The following PRKAR1B variants were observed in gnomAD, a reference collection of about 807,000 sequenced individuals.
The protein encoded by PRKAR1B is cAMP-dependent protein kinase type I-beta regulatory subunit.
In PRKAR1B, 22 loss-of-function variants were observed where a neutral mutation model predicts 46.5. The ratio of observed to expected loss-of-function variants is 0.47; its 90% CI spans 0.34 to 0.68. PRKAR1B has a LOEUF of 0.68. Ranked by LOEUF, PRKAR1B falls within the 30% of genes least tolerant of loss-of-function variation. The pLI is 0.01. For synonymous variants in PRKAR1B, 259 were observed against 217.7 expected, an observed-to-expected ratio of 1.19 and a Z score of -1.67; for missense variants, 445 against 535.6, an observed-to-expected ratio of 0.83 and a Z score of 1.67.
At chr7:653,290 A>G (rs1302408677) in intron 4 of PRKAR1B, among the ~76,000 whole-genome samples, 1 of 152,156 alleles carries the variant, frequency 6.6e-6, no homozygotes, top group African/African-American at 2.4e-5. Flanking sequence ...CAGGAATTCA[A>G]CGAGGCCTTC....
intron 4 of PRKAR1B, among the ~76,000 whole-genome samples, chr7:651,497 T>C (rs73254253): frequency 0.013 from 2,048 of 151,914 alleles, 57 homozygotes; most frequent in African/African-American, 0.047. Context: ...ACTAGGAACC[T>C]GGGAAACCCC....
intron 4 of PRKAR1B, among the ~76,000 whole-genome samples, chr7:622,338 G>A (rs1313580958): frequency 6.6e-6 from 1 of 152,196 alleles, no homozygotes; most frequent in African/African-American, 2.4e-5. Flanking sequence ...GCCACACAGG[G>A]CCTCCCGCTC....
At chr7:550,866 C>G (rs1477635045) in intron 10 of PRKAR1B, among the ~76,000 whole-genome samples, 1 of 152,102 alleles carries the variant, frequency 6.6e-6, no homozygotes, top group Non-Finnish European at 1.5e-5. Context: ...CAGGAATGCC[C>G]AGGTGTGCCC....
At chr7:683,221 G>C (rs568172760) in intron 2 of PRKAR1B, among the ~76,000 whole-genome samples, 44 of 152,214 alleles carry the variant, frequency 2.9e-4, no homozygotes, top group Non-Finnish European at 7.3e-5. Flanking sequence ...TGGGGTCCTG[G>C]GGTCTGACAG....
At chr7:715,112 A>G (rs1467954417) in intron 1 of PRKAR1B, among the ~76,000 whole-genome samples, 2 of 152,136 alleles carry the variant, frequency 1.3e-5, no homozygotes, top group African/African-American at 4.8e-5. Flanking sequence ...CTTGAACTCC[A>G]GTGAGCCCAG....
chr7:618,297 C>T (rs1782942641), intron 4 of PRKAR1B, among the ~76,000 whole-genome samples: 2 of 152,222 alleles, frequency 1.3e-5, no homozygotes, highest in South Asian at 2.1e-4. Flanking sequence ...CCTATTCCAA[C>T]ATCTTTTCTT....
chr7:727,556 T>G, upstream of PRKAR1B: 1 of 220,476 alleles, frequency 4.5e-6, no homozygotes, highest in Non-Finnish European at 8.3e-6. Context: ...CAACGCGCCC[T>G]TCAGCTGCTC....
At chr7:643,890 C>T (rs1784506589) in intron 4 of PRKAR1B, among the ~76,000 whole-genome samples, 1 of 152,134 alleles carries the variant, frequency 6.6e-6, no homozygotes. Flanking sequence ...TCCATATTAT[C>T]CAACCCCCAG....
intron 9 of PRKAR1B, among the ~76,000 whole-genome samples, chr7:551,707 G>A (rs1327675960): frequency 6.9e-6 from 1 of 145,316 alleles, no homozygotes; most frequent in African/African-American, 2.6e-5. Flanking sequence ...TCCTGCCCAG[G>A]TCCTTCTCCA....
chr7:576,262 G>A (rs545941677), intron 9 of PRKAR1B, among the ~76,000 whole-genome samples: 55 of 151,722 alleles, frequency 3.6e-4, no homozygotes, highest in African/African-American at 1.2e-3. Flanking sequence ...CTGGAATCAC[G>A]GCTGGGGTCA....
intron 1 of PRKAR1B, among the ~76,000 whole-genome samples, chr7:715,577 T>A (rs1780843233): frequency 6.6e-6 from 1 of 152,074 alleles, no homozygotes; most frequent in South Asian, 2.1e-4. Flanking sequence ...CTGGGGTAGG[T>A]TATTTTTCTC....
In PRKAR1B at chr7:560,531, C is replaced by A. The variant is rs1778721344; in HGVS notation, c.892-9061G>T. ...AGCTTAACCCAGGCTTCCCCCTGAC[C>A]TGGCCAGGAACAAATGGGACTGAGG... On this transcript the variant is annotated intron_variant, in intron 9 of 10. Coordinates refer to ENST00000537384, the MANE Select transcript of PRKAR1B (RefSeq NM_001164760.2). The surrounding 1 kb of genome is among the most constrained non-coding windows in gnomAD (Gnocchi z 4.2). Among the ~76,000 whole-genome samples, 1 of 152,162 alleles carries A rather than the reference C, an allele frequency of 6.6e-6. No individual in the cohort carries two copies. Among genetic ancestry groups the A allele is most frequent in the South Asian group, 2.1e-4 (1 of 4,832 alleles).
intron 3 of PRKAR1B, among the ~76,000 whole-genome samples, chr7:678,711 A>T (rs532334511): frequency 1.3e-5 from 2 of 152,392 alleles, no homozygotes; most frequent in South Asian, 2.1e-4. Context: ...CGTGTAACGC[A>T]GAGAGCCCCT....
chr7:629,332 G>A (rs1224110079), intron 4 of PRKAR1B, among the ~76,000 whole-genome samples: 5 of 148,250 alleles, frequency 3.4e-5, no homozygotes, highest in East Asian at 2.0e-4. Context: ...GCGGGGCCAC[G>A]GCCTCCGAAG....
At chr7:617,328 C>T (rs1161233196) in intron 4 of PRKAR1B, among the ~76,000 whole-genome samples, 2 of 143,636 alleles carry the variant, frequency 1.4e-5, no homozygotes, top group Non-Finnish European at 3.0e-5. Flanking sequence ...TTAAAGAGAC[C>T]GAGTCTCACT....
chr7:681,375 G>C (rs562662239), intron 2 of PRKAR1B, among the ~76,000 whole-genome samples: 37 of 150,468 alleles, frequency 2.5e-4, no homozygotes, highest in African/African-American at 9.0e-4. Flanking sequence ...TAAAGTTGCA[G>C]TTCCTAAGAA....
intron 2 of PRKAR1B, among the ~76,000 whole-genome samples, chr7:695,659 T>A (rs979143150): frequency 6.6e-6 from 1 of 151,250 alleles, no homozygotes; most frequent in African/African-American, 2.5e-5. Flanking sequence ...GGGCTTGTTT[T>A]TTTTGTTTTT....
rs186044029 is a variant in PRKAR1B, at chr7:557,497, C to T, written c.892-6027G>A. Among the ~76,000 whole-genome samples the T allele has an allele frequency of 2.0e-3, 306 of 152,368 alleles. 7 individuals carry two copies. The highest frequency in any genetic ancestry group is 2.4e-4 in the Non-Finnish European group (16 of 68,040). ...ACAGTCCCCGTCCTGTGCCTGCGCA[C>T]CCATGGACATCTGTGCCAGATGCCT... On this transcript the variant is annotated intron_variant, in intron 9 of 10. Coordinates refer to ENST00000537384, the MANE Select transcript of PRKAR1B (RefSeq NM_001164760.2).
chr7:629,430 A>C (rs1783606018), intron 4 of PRKAR1B, among the ~76,000 whole-genome samples: 1 of 133,652 alleles, frequency 7.5e-6, no homozygotes, highest in African/African-American at 2.9e-5. Flanking sequence ...AAAACGCTGC[A>C]GGAGCGGGGC....
Sources: gnomAD v4.1 joint callset for allele counts (sites outside exome capture counted in the v4.1 genomes callset) on GRCh38, gnomAD v4.1.1 for gene constraint, Gnocchi (gnomAD v3.1) non-coding constraint, MANE v1.5 for transcripts, NCBI Gene and HGNC (gene_info 2026-07-23, HGNC 2026-07-21) for gene names.